The following CACNB2 variants were observed in gnomAD, a reference collection of about 807,000 sequenced individuals.
CACNB2 encodes calcium voltage-gated channel auxiliary subunit beta 2, also known as voltage-dependent L-type calcium channel subunit beta-2.
In CACNB2, 42 loss-of-function variants were observed where a neutral mutation model predicts 73.3. The observed-to-expected ratio is 0.57, with a 90% CI of 0.45 to 0.74. The LOEUF (loss-of-function observed/expected upper bound fraction) is 0.74, where lower values mean the gene tolerates loss of function less well. Ranked by LOEUF, CACNB2 falls within the 30% of genes least tolerant of loss-of-function variation. The probability of loss-of-function intolerance (pLI) is 0.00; values close to 1 mark genes in which losing one functional copy is unlikely to be tolerated. For synonymous variants in CACNB2, 348 were observed against 310.3 expected, an observed-to-expected ratio of 1.12 and a Z score of -1.28; for missense variants, 940 against 853.0, an observed-to-expected ratio of 1.10 and a Z score of -1.27.
intron 2 of CACNB2, among the ~76,000 whole-genome samples, chr10:18,318,240 G>A (rs1229281763): frequency 6.6e-6 from 1 of 152,196 alleles, no homozygotes; most frequent in African/African-American, 2.4e-5. Context: ...CAAGGCTGCA[G>A]TAACCAAAAC....
chr10:18,395,631 A>G (rs922180105), intron 2 of CACNB2, among the ~76,000 whole-genome samples: 1 of 152,198 alleles, frequency 6.6e-6, no homozygotes, highest in Non-Finnish European at 1.5e-5. Flanking sequence ...TCATTAGTAC[A>G]TCCTATAGCT....
At chr10:18,286,280 G>C (rs1305843005) in intron 2 of CACNB2, among the ~76,000 whole-genome samples, 1 of 152,056 alleles carries the variant, frequency 6.6e-6, no homozygotes, top group African/African-American at 2.4e-5. Flanking sequence ...ACTTTGGGAG[G>C]CCAAGGCGGG....
chr10:18,499,971 G>A (rs1170500472), intron 4 of CACNB2, among the ~76,000 whole-genome samples: 3 of 152,016 alleles, frequency 2.0e-5, no homozygotes. Context: ...ACCCTGTCTT[G>A]ATTAAAAATA....
chr10:18,477,083 G>T (rs2048479872), intron 3 of CACNB2, among the ~76,000 whole-genome samples: 1 of 152,058 alleles, frequency 6.6e-6, no homozygotes, highest in South Asian at 2.1e-4. Context: ...GTATTGCAAA[G>T]GGCGTAGCCT....
chr10:18,174,200 CCTT>C (rs1040450722), intron 2 of CACNB2, among the ~76,000 whole-genome samples: 31 of 150,516 alleles, frequency 2.1e-4, no homozygotes, highest in Admixed American at 1.3e-4. Flanking sequence ...CTCCCTCCCT[CCTT>C]CTTTCCCTTC....
chr10:18,383,651 A>G (rs112844448), intron 2 of CACNB2, among the ~76,000 whole-genome samples: 16 of 152,318 alleles, frequency 1.1e-4, no homozygotes, highest in Admixed American at 7.8e-4. Context: ...TAGATGGTGC[A>G]CCAGAAGGTT....
intron 2 of CACNB2, among the ~76,000 whole-genome samples, chr10:18,230,215 G>T (rs1463104610): frequency 3.9e-5 from 6 of 152,154 alleles, no homozygotes; most frequent in Non-Finnish European, 8.8e-5. Context: ...AGATAGAATT[G>T]TTAGAAGAAA....
At chr10:18,423,770 T>C (rs1473848554) in intron 3 of CACNB2, among the ~76,000 whole-genome samples, 5 of 152,188 alleles carry the variant, frequency 3.3e-5, no homozygotes, top group Non-Finnish European at 5.9e-5. Flanking sequence ...TATTGGATTA[T>C]TCCATTTGCT....
chr10:18,318,660 A>G (rs1186895669), intron 2 of CACNB2, among the ~76,000 whole-genome samples: 2 of 152,240 alleles, frequency 1.3e-5, no homozygotes, highest in Non-Finnish European at 2.9e-5. Flanking sequence ...CATCATGGTG[A>G]ACAGGTAACC....
At chr10:18,168,379 A>G (rs936333455) in intron 2 of CACNB2, among the ~76,000 whole-genome samples, 1 of 152,180 alleles carries the variant, frequency 6.6e-6, no homozygotes. Flanking sequence ...TCACCAGATA[A>G]CTAAGTAATT....
At chr10:18,496,986 A>G (rs961803285) in intron 3 of CACNB2, among the ~76,000 whole-genome samples, 4 of 151,568 alleles carry the variant, frequency 2.6e-5, no homozygotes, top group African/African-American at 7.3e-5. Context: ...TGAGGCGGGC[A>G]GATCACCCAA....
chr10:18,173,903 A>T (rs756006123), intron 2 of CACNB2, among the ~76,000 whole-genome samples: 4 of 152,180 alleles, frequency 2.6e-5, no homozygotes, highest in Non-Finnish European at 4.4e-5. Flanking sequence ...ACTCCTGCAA[A>T]TTAGTAAGTT....
intron 2 of CACNB2, among the ~76,000 whole-genome samples, chr10:18,398,667 TCACACACACACACACACACACACATA>T (rs1166657182): frequency 4.5e-5 from 6 of 132,294 alleles, no homozygotes; most frequent in Non-Finnish European, 8.2e-5. Context: ...AGTGAGACTG[TCACACACACACACACACACACACATA>T]CACACACACA....
Position 18,381,461 on chromosome 10 carries a change from C to T in CACNB2, c.214-20463C>T, listed in dbSNP as rs561299732. ...ACCCCAAAACTTTGGGAGGCTGAGG[C>T]GGGTGGATCCGGAGGTCAGGAGTCA... On this transcript the variant is annotated intron_variant, in intron 2 of 13. Coordinates refer to ENST00000324631, the MANE Select transcript of CACNB2 (RefSeq NM_201596.3). 5.9e-5 allele frequency among the ~76,000 whole-genome samples: 9 copies of T among 151,750 alleles called. No homozygotes were observed. In the South Asian group the frequency reaches 1.9e-3, roughly 32 times the overall value.
At chr10:18,144,046 C>G (rs1180805885) in intron 1 of CACNB2, among the ~76,000 whole-genome samples, 1 of 151,914 alleles carries the variant, frequency 6.6e-6, no homozygotes, top group African/African-American at 2.4e-5. Context: ...TTTCTCAAAG[C>G]CCTGGTTTTT....
At chr10:18,403,711 C>T (rs920644907) in intron 3 of CACNB2, among the ~76,000 whole-genome samples, 2 of 152,072 alleles carry the variant, frequency 1.3e-5, no homozygotes, top group African/African-American at 4.8e-5. Context: ...GGTCGTGTTA[C>T]TTGTCCTACA....
intron 2 of CACNB2, among the ~76,000 whole-genome samples, chr10:18,295,432 A>G (rs542724871): frequency 6.3e-4 from 96 of 152,296 alleles, no homozygotes; most frequent in African/African-American, 2.3e-3. Flanking sequence ...AATGGACTCC[A>G]CTTAGGATCC....
intron 2 of CACNB2, among the ~76,000 whole-genome samples, chr10:18,368,785 A>T (rs2042457478): frequency 6.6e-6 from 1 of 152,058 alleles, no homozygotes; most frequent in Admixed American, 6.6e-5. Context: ...GTTTTTCATG[A>T]ATAATTTGTG....
chr10:18,485,174 G>A (rs1255034912), intron 3 of CACNB2, among the ~76,000 whole-genome samples: 1 of 152,140 alleles, frequency 6.6e-6, no homozygotes, highest in Non-Finnish European at 1.5e-5. Flanking sequence ...AAAACATATT[G>A]TAGGAACTTT....
Sources: gnomAD v4.1 joint callset for allele counts (sites outside exome capture counted in the v4.1 genomes callset) on GRCh38, gnomAD v4.1.1 for gene constraint, MANE v1.5 for transcripts, NCBI Gene and HGNC (gene_info 2026-07-23, HGNC 2026-07-21) for gene names.